Variants in FASTKD3 observed in about 807,000 individuals in gnomAD.
FASTKD3 encodes the protein FAST kinase domains 3.
A neutral mutation model predicts 49.7 loss-of-function variants in FASTKD3; 47 were observed. That is an observed-to-expected ratio of 0.95 (90% CI 0.75 to 1.21). The LOEUF (loss-of-function observed/expected upper bound fraction) is 1.21. FASTKD3 is among the 50% of genes most tolerant of loss of function. The probability of loss-of-function intolerance (pLI) is 0.00; values close to 1 mark genes in which losing one functional copy is unlikely to be tolerated. For missense variants in FASTKD3, 748 were observed against 765.7 expected, an observed-to-expected ratio of 0.98 and a Z score of 0.27; for synonymous variants, 284 against 288.6, an observed-to-expected ratio of 0.98 and a Z score of 0.16.
In FASTKD3 at chr5:7,867,375, C is replaced by A; in HGVS notation, c.709G>T (p.Glu237Ter). Reference sequence around the variant, plus strand: ...CCTTGAAGTTGATTTATAATGAGTTCTAGTGTCACACAACCTGAACTGTGC... The same window carrying A: ...CCTTGAAGTTGATTTATAATGAGTTATAGTGTCACACAACCTGAACTGTGC... ...TLHSSGCVTL[E>*]LIINQLQGEK... The change falls in exon 2 of 7, where the codon GAA (glutamate) becomes TAA (stop). Residue 237 changes from glutamate (E) to a stop codon, truncating the protein, a stop_gained. Transcript: ENST00000264669. LOFTEE classifies it high-confidence loss of function. 1.9e-6 allele frequency: 3 copies of A among 1,614,180 alleles called. No individual in the cohort carries two copies. The highest frequency in any genetic ancestry group is 2.5e-6 in the Non-Finnish European group (3 of 1,180,048).
intron 4 of FASTKD3, 98 bp downstream of exon 4, chr5:7,862,725 C>A: frequency 9.4e-7 from 1 of 1,062,096 alleles, no homozygotes; most frequent in Non-Finnish European, 1.4e-6. Context: ...TTCCATTTTG[C>A]ATTTCCAGAG....
rs748782266 is a variant in FASTKD3, at chr5:7,865,897, C to T, written c.1524+1G>A. On this transcript the variant is annotated splice_donor_variant, in intron 3 of 6. Coordinates refer to ENST00000264669, the MANE Select transcript of FASTKD3 (RefSeq NM_024091.4). LOFTEE classifies it high-confidence loss of function. ...AAGCCACATATAGTTCATGCTTTTA[C>T]CTTATAGAAAGGGCATTCCAGGACT... The T allele has an allele frequency of 6.2e-7, 1 of 1,612,236 alleles. No individual in the cohort carries two copies. The highest frequency in any genetic ancestry group is 1.3e-5 in the African/African-American group (1 of 75,000).
At chr5:7,865,816 T>G in intron 3 of FASTKD3, 82 bp downstream of exon 3, 1 of 1,053,690 alleles carries the variant, frequency 9.5e-7, no homozygotes, top group Non-Finnish European at 1.4e-6. Context: ...TTTCAGGTTA[T>G]TGAGACAGAT....
chr5:7,865,789 T>G, intron 3 of FASTKD3, 109 bp downstream of exon 3: 1 of 784,622 alleles, frequency 1.3e-6, no homozygotes, highest in African/African-American at 1.7e-5. Flanking sequence ...TGACTCCAAG[T>G]AAATGAAATT....
In FASTKD3 at chr5:7,865,937, T is replaced by C. The variant is rs913679781; in HGVS notation, c.1485A>G (p.Gln495=). 1.2e-6 allele frequency: 2 copies of C among 1,613,964 alleles called. No homozygotes were observed. Among genetic ancestry groups the C allele is most frequent in the African/African-American group, 2.7e-5 (2 of 74,916 alleles). ...LDTLSRAQLT[Q]LFLASVLECP... is the part of the protein sequence containing the mutation. ...ATTCCAGGACTGAGGCTAAGAAAAGTTGGGTCAGTTGTGCCCGACTCAATG... is the reference window on the plus strand; with the variant it reads ...ATTCCAGGACTGAGGCTAAGAAAAGCTGGGTCAGTTGTGCCCGACTCAATG... The change falls in exon 3 of 7, where the codon CAA becomes CAG. Residue 495 remains glutamine, a synonymous_variant. Transcript: ENST00000264669.
In FASTKD3 at chr5:7,868,199, G is replaced by GC; in HGVS notation, c.-113-4_-113-3insG. ...TTTATGAAACTACAAACGAGTATCT[G>GC]GAAAAAAAAAAAAAAAAAAAAAAAG... On this transcript the variant is annotated splice_polypyrimidine_tract_variant and splice_region_variant and intron_variant, in intron 1 of 6. Transcript: ENST00000264669. 1 of 174,846 alleles carries GC rather than the reference G, an allele frequency of 5.7e-6. No homozygotes were observed. Among genetic ancestry groups the GC allele is most frequent in the Non-Finnish European group, 9.2e-6 (1 of 108,228 alleles). The allele number at this position is 174,846 out of a possible 1,614,324, so 10.8% of individuals were successfully genotyped here. A position where few individuals can be genotyped will look rare whatever the true frequency, so the allele number is the denominator to read the frequency against.
chr5:7,861,428 A>G (rs1319612389), intron 5 of FASTKD3, 155 bp downstream of exon 5: 1 of 626,002 alleles, frequency 1.6e-6, no homozygotes, highest in East Asian at 3.0e-5. Flanking sequence ...ATGTTTATAA[A>G]ATATTACAAG....
chr5:7,868,200 G>C lies in FASTKD3; in HGVS notation c.-113-4C>G. The C allele has an allele frequency of 1.3e-5, 3 of 222,560 alleles. No individual in the cohort carries two copies. The highest frequency in any genetic ancestry group is 1.6e-4 in the East Asian group (2 of 12,370). The allele number at this position is 222,560 out of a possible 1,614,324, so 13.8% of individuals were successfully genotyped here. A position where few individuals can be genotyped will look rare whatever the true frequency, so the allele number is the denominator to read the frequency against. The stretch of plus-strand genomic sequence containing the variant: ...TTATGAAACTACAAACGAGTATCTG[G>C]AAAAAAAAAAAAAAAAAAAAAAAGG... On this transcript the variant is annotated splice_polypyrimidine_tract_variant and splice_region_variant and intron_variant, in intron 1 of 6. Transcript: ENST00000264669.
Position 7,861,273 on chromosome 5 carries a change from A to G in FASTKD3, c.1770-10T>C. On this transcript the variant is annotated splice_polypyrimidine_tract_variant and intron_variant, in intron 5 of 6. Transcript: ENST00000264669. ...AATACACAGTGCTATCCTGAAAAAT[A>G]AAAAAGGAGAAAAATACTTAATTTT... 1 of 1,395,584 alleles carries G rather than the reference A, an allele frequency of 7.2e-7. No individual in the cohort carries two copies. The allele number at this position is 1,395,584 out of a possible 1,614,324, so 86.5% of individuals were successfully genotyped here.
chr5:7,867,831 A>G lies in FASTKD3; in HGVS notation c.253T>C (p.Ser85Pro). 1.2e-6 allele frequency: 2 copies of G among 1,614,198 alleles called. No homozygotes were observed. Among genetic ancestry groups the G allele is most frequent in the Non-Finnish European group, 1.7e-6 (2 of 1,180,042 alleles). The change falls in exon 2 of 7, where the codon TCT (serine) becomes CCT (proline). Residue 85 changes from serine to proline, a missense_variant. This residue lies in a region of FASTKD3 where 564 missense variants were observed against 562.8 expected (regional missense o/e 1.00). Transcript: ENST00000264669. ...TTTTGTTCAAGCCTGTCGCAGTCAGATACTTGAGAGAACACTGGTCCACCG... is the reference window on the plus strand; with the variant it reads ...TTTTGTTCAAGCCTGTCGCAGTCAGGTACTTGAGAGAACACTGGTCCACCG... ...PLGGPVFSQV[S>P]DCDRLEQNVK...
Position 7,859,608 on chromosome 5 carries a change from CTTTG to C in FASTKD3, c.1885-73_1885-70del, listed in dbSNP as rs200828643. The stretch of plus-strand genomic sequence containing the variant: ...CTGAGGTTCCTCTGGCTATTGGTTA[CTTTG>C]TTTGTTTCTTACACGCTTCCCCACA... On this transcript the variant is annotated intron_variant, in intron 6 of 6. Transcript: ENST00000264669. 574 of 1,028,964 alleles carry C rather than the reference CTTTG, an allele frequency of 5.6e-4. 4 individuals are homozygous for C. In the East Asian group the frequency reaches 9.7e-3, roughly 17 times the overall value. 63.7% of individuals were successfully genotyped at this position (1,028,964 alleles called of 1,614,324 possible).
chr5:7,868,120 A>T lies in FASTKD3; in HGVS notation c.-37T>A. The stretch of plus-strand genomic sequence containing the variant: ...CTCAATTTGATAACTAAATTAAAAA[A>T]TTTAAAAACACATGGTTAAATACAT... On this transcript the variant is annotated 5_prime_UTR_variant, in exon 2 of 7. Transcript: ENST00000264669. 7.1e-7 allele frequency: 1 copy of T among 1,407,934 alleles called. No homozygotes were observed. The highest frequency in any genetic ancestry group is 9.7e-7 in the Non-Finnish European group (1 of 1,031,276). 87.2% of individuals were successfully genotyped at this position (1,407,934 alleles called of 1,614,324 possible). A position where few individuals can be genotyped will look rare whatever the true frequency, so the allele number is the denominator to read the frequency against.
In FASTKD3 at chr5:7,861,165, C is replaced by A; in HGVS notation, c.1868G>T (p.Gly623Val). The change falls in exon 6 of 7, where the codon GGT becomes GTT. Residue 623 changes from glycine to valine, a missense_variant. This residue lies in a region of FASTKD3 where 178 missense variants were observed against 182.2 expected (regional missense o/e 0.98). Coordinates refer to ENST00000264669, the MANE Select transcript of FASTKD3 (RefSeq NM_024091.4). ...AAACCGTACCTGAACAACTTGATAA[C>A]CGAGTAACTGTAGGTGTCTTTGTTT... is the stretch of plus-strand genomic sequence containing the variant. Reference protein sequence around the residue: ...AIKQRHLQLLGYQVVQIPYHE... With the variant: ...AIKQRHLQLLVYQVVQIPYHE... 3.7e-6 allele frequency: 6 copies of A among 1,605,336 alleles called. No individual in the cohort carries two copies. The highest frequency in any genetic ancestry group is 3.4e-6 in the Non-Finnish European group (4 of 1,174,022).
chr5:7,861,278 A>C lies in FASTKD3; in HGVS notation c.1770-15T>G. The C allele has an allele frequency of 7.1e-7, 1 of 1,407,864 alleles. No individual in the cohort carries two copies. The highest frequency in any genetic ancestry group is 9.6e-7 in the Non-Finnish European group (1 of 1,037,186). The allele number at this position is 1,407,864 out of a possible 1,614,324, so 87.2% of individuals were successfully genotyped here. On this transcript the variant is annotated splice_polypyrimidine_tract_variant and intron_variant, in intron 5 of 6. Coordinates refer to ENST00000264669, the MANE Select transcript of FASTKD3 (RefSeq NM_024091.4). ...ACAGTGCTATCCTGAAAAATAAAAA[A>C]GGAGAAAAATACTTAATTTTTTAAA... is the stretch of plus-strand genomic sequence containing the variant.
intron 6 of FASTKD3, 90 bp downstream of exon 6, chr5:7,861,059 G>C: frequency 2.7e-6 from 2 of 741,828 alleles, no homozygotes; most frequent in Non-Finnish European, 4.6e-6. Flanking sequence ...ATTTTACTGT[G>C]CCTCAGATTA....
intron 6 of FASTKD3, among the ~76,000 whole-genome samples, chr5:7,859,950 A>G (rs1218738050): frequency 2.0e-5 from 3 of 152,058 alleles, no homozygotes; most frequent in African/African-American, 4.8e-5. Context: ...GTATTCAGAG[A>G]GCTGGAGGAC....
chr5:7,866,569 C>T (rs1187119036), intron 2 of FASTKD3, 77 bp downstream of exon 2: 2 of 1,083,616 alleles, frequency 1.8e-6, no homozygotes, highest in East Asian at 2.4e-5. Context: ...CAACATATTG[C>T]CTTTATATGT....
At position 7,866,684 on chromosome 5, in the gene FASTKD3, G is replaced by A. The variant is rs1345055730; in HGVS notation, c.1400C>T (p.Ala467Val). 1.9e-6 allele frequency: 3 copies of A among 1,597,138 alleles called. No individual in the cohort carries two copies. In the East Asian group the frequency reaches 6.7e-5, roughly 36 times the overall value. Residue 467 changes from alanine to valine, a missense_variant, in exon 2 of 7, where the codon GCA becomes GTA. Ala to Val is a moderately conservative substitution (Grantham distance 64). Transcript: ENST00000264669. ...LNECHPVNFLAKIFKPLFLQR... is the reference protein window; with the variant it reads ...LNECHPVNFLVKIFKPLFLQR... The stretch of plus-strand genomic sequence containing the variant: ...AAGGAAAAGAGGCTTGAATATTTTT[G>A]CCAGAAAGTTGACTGGATGGCATTC...
intron 3 of FASTKD3, among the ~76,000 whole-genome samples, chr5:7,865,216 C>G (rs532878456): frequency 6.6e-6 from 1 of 152,104 alleles, no homozygotes; most frequent in South Asian, 2.1e-4. Flanking sequence ...GGTAAGAGAT[C>G]GGGGTTAACT....
Sources: gnomAD v4.1 joint callset for allele counts (sites outside exome capture counted in the v4.1 genomes callset) on GRCh38, gnomAD v4.1.1 for gene constraint, gnomAD v4.1.1 regional missense constraint, MANE v1.5 for transcripts, NCBI Gene and HGNC (gene_info 2026-07-23, HGNC 2026-07-21) for gene names.